Variants in ADGRD1 observed in about 807,000 individuals in gnomAD.
ADGRD1 encodes the protein G-protein coupled receptor 133.
Under a neutral mutation model 113.4 loss-of-function variants are expected in ADGRD1, and 77 were observed. That is an observed-to-expected ratio of 0.68 (90% CI 0.57 to 0.82). The LOEUF (loss-of-function observed/expected upper bound fraction) is 0.82. Ranked by LOEUF, ADGRD1 falls within the 40% of genes least tolerant of loss-of-function variation. The pLI, the probability that ADGRD1 is intolerant of heterozygous loss-of-function variation, is 0.00. For synonymous variants in ADGRD1, 474 were observed against 475.0 expected (o/e 1.00, Z 0.03); for missense variants, 1,036 against 1,139.1 (o/e 0.91, Z 1.30).
chr12:130,977,712 G>A (rs965838109), intron 4 of ADGRD1: 1 of 152,364 alleles, frequency 6.6e-6, no homozygotes, highest in African/African-American at 2.4e-5. Context: ...TGGTGATTCT[G>A]ATAGGCCCAG....
intron 13 of ADGRD1, among the ~76,000 whole-genome samples, chr12:131,015,189 T>C (rs1778967350): frequency 6.6e-6 from 1 of 152,276 alleles, no homozygotes; most frequent in African/African-American, 2.4e-5. Flanking sequence ...GCTTCTGTTC[T>C]TTCCAGGGTG....
chr12:130,992,324 C>A lies in ADGRD1; in HGVS notation c.898C>A (p.Leu300Ile). The change falls in exon 8 of 25, where the codon CTC becomes ATC. Residue 300 changes from leucine (L) to isoleucine (I), a missense_variant. Coordinates refer to ENST00000261654, the MANE Select transcript of ADGRD1 (RefSeq NM_198827.5). Reference protein sequence around the residue: ...FQSPGVILSYLQNVSLSLPSK... With the variant: ...FQSPGVILSYIQNVSLSLPSK... ...AAGTCCCGGAGTGATACTGAGTTAC[C>A]TCCAAAATGTATCCCTCAGCTTACC... 6.2e-7 allele frequency: 1 copy of A among 1,612,920 alleles called. No homozygotes were observed. Among genetic ancestry groups the A allele is most frequent in the South Asian group, 1.1e-5 (1 of 91,042 alleles).
intron 13 of ADGRD1, among the ~76,000 whole-genome samples, chr12:131,063,044 C>T (rs1330047941): frequency 6.6e-6 from 1 of 152,086 alleles, no homozygotes; most frequent in Non-Finnish European, 1.5e-5. Flanking sequence ...AATAAAATGT[C>T]TCTTAGTATC....
chr12:130,955,809 G>C (rs1005304792), intron 2 of ADGRD1, among the ~76,000 whole-genome samples: 1 of 151,906 alleles, frequency 6.6e-6, no homozygotes, highest in Admixed American at 6.6e-5. Context: ...TTGAGACAAA[G>C]TCTCACTCTG....
intron 15 of ADGRD1, 69 bp from the exon 16 acceptor site, chr12:131,104,762 C>T: frequency 9.3e-7 from 1 of 1,080,708 alleles, no homozygotes; most frequent in Non-Finnish European, 1.4e-6. Flanking sequence ...CCACCTGGGC[C>T]CTCTGCAGCT....
At chr12:131,015,177 G>T (rs1391636035) in intron 13 of ADGRD1, among the ~76,000 whole-genome samples, 1 of 152,268 alleles carries the variant, frequency 6.6e-6, no homozygotes, top group Admixed American at 6.5e-5. Context: ...ACCTGGGTGG[G>T]TGCTTCTGTT....
chr12:131,122,240 T>A (rs1308629823), intron 20 of ADGRD1, among the ~76,000 whole-genome samples: 1 of 152,102 alleles, frequency 6.6e-6, no homozygotes, highest in Non-Finnish European at 1.5e-5. Context: ...CAGGGATCTT[T>A]GTGCAAGCAG....
chr12:130,987,847 T>C (rs551383714), intron 6 of ADGRD1: 3 of 180,166 alleles, frequency 1.7e-5, no homozygotes, highest in African/African-American at 7.1e-5. Context: ...AAAACTGAGG[T>C]CAAATTCATA....
intron 13 of ADGRD1, among the ~76,000 whole-genome samples, chr12:131,016,072 T>C (rs1566032108): frequency 1.3e-5 from 2 of 152,330 alleles, no homozygotes; most frequent in East Asian, 3.9e-4. Context: ...GGTGGGCCTG[T>C]CTCACCCATC....
chr12:131,077,813 A>C (rs2141708), intron 14 of ADGRD1, among the ~76,000 whole-genome samples: 23,994 of 152,094 alleles, frequency 0.16, 2,766 homozygotes, highest in African/African-American at 0.33. Context: ...TCTTAGCTCA[A>C]TGTAGTCTGA....
intron 15 of ADGRD1, among the ~76,000 whole-genome samples, chr12:131,103,066 C>A (rs1950130118): frequency 6.6e-6 from 1 of 152,234 alleles, no homozygotes; most frequent in Non-Finnish European, 1.5e-5. Flanking sequence ...CACGCAGTGC[C>A]CACCTTTCCC....
chr12:131,117,435 T>G (rs1185874881), intron 18 of ADGRD1, among the ~76,000 whole-genome samples: 4 of 152,218 alleles, frequency 2.6e-5, no homozygotes, highest in Non-Finnish European at 5.9e-5. Flanking sequence ...TTTTGTTTTC[T>G]TTTTCCGTCT....
At chr12:131,038,494 ATCTT>A (rs1446198185) in intron 13 of ADGRD1, among the ~76,000 whole-genome samples, 3 of 152,208 alleles carry the variant, frequency 2.0e-5, no homozygotes, top group African/African-American at 7.2e-5. Flanking sequence ...AGCTGAGAGC[ATCTT>A]TCTTCTCTGT....
At chr12:130,996,044 T>C (rs2136681152) in intron 8 of ADGRD1, among the ~76,000 whole-genome samples, 1 of 152,276 alleles carries the variant, frequency 6.6e-6, no homozygotes, top group African/African-American at 2.4e-5. Context: ...CCTTAATCCA[T>C]TTAACCCTGA....
intron 2 of ADGRD1, among the ~76,000 whole-genome samples, chr12:130,955,477 C>T (rs1423473582): frequency 6.6e-6 from 1 of 152,202 alleles, no homozygotes; most frequent in Non-Finnish European, 1.5e-5. Context: ...GGGCTTCTCT[C>T]GGGAAGACAG....
intron 14 of ADGRD1, among the ~76,000 whole-genome samples, chr12:131,083,542 G>A (rs566496854): frequency 3.3e-5 from 5 of 152,346 alleles, no homozygotes; most frequent in African/African-American, 1.2e-4. Flanking sequence ...AGGAGGTCAA[G>A]ACTGCAGTGA....
chr12:131,015,241 G>T (rs983824112), intron 13 of ADGRD1, among the ~76,000 whole-genome samples: 2 of 152,266 alleles, frequency 1.3e-5, no homozygotes, highest in South Asian at 4.1e-4. Context: ...ACACACTTGT[G>T]CTGCTGGGTG....
intron 13 of ADGRD1, among the ~76,000 whole-genome samples, chr12:131,054,374 T>C (rs1883667176): frequency 6.6e-6 from 1 of 152,216 alleles, no homozygotes. Flanking sequence ...TTTTGTATGA[T>C]GGAATTGTAT....
intron 15 of ADGRD1, among the ~76,000 whole-genome samples, chr12:131,087,646 T>A: frequency 6.6e-6 from 1 of 152,152 alleles, no homozygotes; most frequent in Middle Eastern, 3.2e-3. Flanking sequence ...ACCCGCCAGA[T>A]AATCCCGAGG....
Sources: allele counts gnomAD v4.1 joint callset (sites outside exome capture counted in the v4.1 genomes callset), GRCh38; gene constraint gnomAD v4.1.1; transcripts MANE v1.5; gene names NCBI Gene and HGNC (gene_info 2026-07-23, HGNC 2026-07-21).